The following SRL variants were observed in gnomAD, a reference collection of about 807,000 sequenced individuals.
SRL encodes sarcalumenin.
A neutral mutation model predicts 39.5 loss-of-function variants in SRL; 23 were observed. The observed-to-expected ratio is 0.58, with a 90% CI of 0.42 to 0.82. The LOEUF (loss-of-function observed/expected upper bound fraction) is 0.82, where lower values mean the gene tolerates loss of function less well. SRL is among the 40% of genes least tolerant of loss of function. The pLI is 0.00. For missense variants in SRL, 592 were observed against 607.8 expected, an observed-to-expected ratio of 0.97 and a Z score of 0.27; for synonymous variants, 272 against 237.4, an observed-to-expected ratio of 1.15 and a Z score of -1.34.
Position 4,189,912 on chromosome 16 carries a change from G to T in SRL, c.*2241C>A, listed in dbSNP as rs1441321462. 4.8e-5 allele frequency: 9 copies of T among 186,960 alleles called. No homozygotes were observed. The highest frequency in any genetic ancestry group is 9.8e-5 in the Non-Finnish European group (9 of 91,706). The allele number at this position is 186,960 out of a possible 1,614,324, so 11.6% of individuals were successfully genotyped here. ...GAGGAGCAGGCAGGGGAAAGTGGGA[G>T]GGCCCATCCCCCAAGAGGGCAGACA... On this transcript the variant is annotated 3_prime_UTR_variant, in exon 6 of 6. Transcript: ENST00000399609.
intron 2 of SRL, 147 bp downstream of exon 2, chr16:4,204,386 G>A (rs1304814661): frequency 1.0e-4 from 12 of 119,006 alleles, no homozygotes; most frequent in Middle Eastern, 3.7e-3. Context: ...CTTCCCCAAC[G>A]TCCCCTCCAG....
intron 1 of SRL, among the ~76,000 whole-genome samples, chr16:4,236,670 G>C (rs575866252): frequency 2.0e-5 from 3 of 151,740 alleles, no homozygotes; most frequent in African/African-American, 7.3e-5. Context: ...TTGAGACAGA[G>C]TCTTGCTCTG....
intron 1 of SRL, chr16:4,207,629 GC>G: frequency 4.5e-6 from 2 of 440,220 alleles, no homozygotes; most frequent in African/African-American, 2.0e-5. Context: ...GGAGTTCATG[GC>G]CCCCAGCCTG....
chr16:4,210,642 T>G (rs1210820993), intron 1 of SRL, among the ~76,000 whole-genome samples: 1 of 151,818 alleles, frequency 6.6e-6, no homozygotes, highest in Non-Finnish European at 1.5e-5. Context: ...AGGCGCATGC[T>G]AAGTTAATTT....
At chr16:4,237,338 G>T (rs999917512) in intron 1 of SRL, among the ~76,000 whole-genome samples, 2 of 152,044 alleles carry the variant, frequency 1.3e-5, no homozygotes, top group Admixed American at 1.3e-4. Flanking sequence ...ACCTGTAAGG[G>T]CCCCCTCCCC....
chr16:4,218,380 G>A (rs895963757), intron 1 of SRL, among the ~76,000 whole-genome samples: 3 of 152,184 alleles, frequency 2.0e-5, no homozygotes, highest in African/African-American at 7.2e-5. Context: ...CACGGTCGGA[G>A]GGAGGTCATT....
At chr16:4,212,004 T>A (rs1028237755) in intron 1 of SRL, among the ~76,000 whole-genome samples, 8 of 152,198 alleles carry the variant, frequency 5.3e-5, no homozygotes, top group Admixed American at 2.6e-4. Flanking sequence ...CTGGTAAAGG[T>A]GAGAGGGCCA....
At chr16:4,238,802 T>A (rs1172380379) in intron 1 of SRL, among the ~76,000 whole-genome samples, 2 of 151,860 alleles carry the variant, frequency 1.3e-5, no homozygotes, top group Admixed American at 6.6e-5. Context: ...TTTTTTTTTT[T>A]TAGAGACAGG....
At chr16:4,211,314 G>T (rs899872981) in intron 1 of SRL, among the ~76,000 whole-genome samples, 20 of 129,104 alleles carry the variant, frequency 1.5e-4, no homozygotes, top group African/African-American at 2.2e-4. Context: ...TCCCACGTTG[G>T]GGGGGGTCTC....
chr16:4,220,992 A>G (rs8058335), intron 1 of SRL, among the ~76,000 whole-genome samples: 2 of 150,906 alleles, frequency 1.3e-5, no homozygotes, highest in South Asian at 2.1e-4. Flanking sequence ...CTCAAAAAAA[A>G]CCCCACAAAT....
rs747798747 is a variant in SRL, at chr16:4,192,546, G to A, written c.1029C>T (p.His343=). 36 of 1,614,086 alleles carry A rather than the reference G, an allele frequency of 2.2e-5. No homozygotes were observed. The highest frequency in any genetic ancestry group is 1.2e-4 in the Admixed American group (7 of 60,002). Residue 343 remains histidine (H), a synonymous_variant, in exon 6 of 6, where the codon CAC becomes CAT. Coordinates refer to ENST00000399609, the MANE Select transcript of SRL (RefSeq NM_001098814.2). The surrounding 1 kb of genome is among the most constrained non-coding windows in gnomAD (Gnocchi z 4.0). ...IRQHAIRVRI[H]ALLVDRYLQT... ...GCAGGTAGCGGTCAACCAGGAGGGCGTGGATGCGGACCCGGATGGCGTGCT... is the reference window on the plus strand; with the variant it reads ...GCAGGTAGCGGTCAACCAGGAGGGCATGGATGCGGACCCGGATGGCGTGCT...
chr16:4,223,498 C>T (rs1171133065), intron 1 of SRL, among the ~76,000 whole-genome samples: 1 of 151,966 alleles, frequency 6.6e-6, no homozygotes, highest in Non-Finnish European at 1.5e-5. Flanking sequence ...CCACCTCAGC[C>T]TCCCGAGTAG....
intron 1 of SRL, among the ~76,000 whole-genome samples, chr16:4,224,497 G>C (rs905616982): frequency 6.6e-6 from 1 of 152,134 alleles, no homozygotes; most frequent in African/African-American, 2.4e-5. Flanking sequence ...CTTGAGCTCA[G>C]CAGTTCGAGA....
At chr16:4,205,945 C>CA (rs5815198) in intron 1 of SRL, among the ~76,000 whole-genome samples, 71,572 of 146,430 alleles carry the variant, frequency 0.49, 17,456 homozygotes, top group Middle Eastern at 0.66. Context: ...GACCTTGTCT[C>CA]AAAAAAAAAA....
chr16:4,231,535 C>G (rs981612179), intron 1 of SRL, among the ~76,000 whole-genome samples: 1 of 152,168 alleles, frequency 6.6e-6, no homozygotes, highest in African/African-American at 2.4e-5. Context: ...TCGAGCCCCC[C>G]TTCCAGGAAG....
chr16:4,237,435 C>A (rs2052724997), intron 1 of SRL, among the ~76,000 whole-genome samples: 1 of 152,146 alleles, frequency 6.6e-6, no homozygotes, highest in Admixed American at 6.5e-5. Context: ...CAACCCCTCG[C>A]CCAGGTCCAC....
At chr16:4,195,957 A>G (rs1481167673) in intron 4 of SRL, among the ~76,000 whole-genome samples, 171 bp from the exon 5 acceptor site, 3 of 151,980 alleles carry the variant, frequency 2.0e-5, no homozygotes, top group Non-Finnish European at 2.9e-5. Flanking sequence ...CATAACATAA[A>G]ATTTACCTTT....
intron 1 of SRL, among the ~76,000 whole-genome samples, chr16:4,214,916 T>G (rs999534591): frequency 3.3e-5 from 5 of 151,944 alleles, no homozygotes; most frequent in Admixed American, 3.3e-4. Flanking sequence ...TACAGGTGCC[T>G]GCCACCACTC....
chr16:4,216,530 C>T (rs184554630), intron 1 of SRL, among the ~76,000 whole-genome samples: 43 of 152,308 alleles, frequency 2.8e-4, no homozygotes, highest in African/African-American at 9.6e-4. Flanking sequence ...CCTCAAGTTC[C>T]CAAAGTGCTG....
Sources: gnomAD v4.1 joint callset for allele counts (sites outside exome capture counted in the v4.1 genomes callset) on GRCh38, gnomAD v4.1.1 for gene constraint, Gnocchi (gnomAD v3.1) non-coding constraint, MANE v1.5 for transcripts, NCBI Gene and HGNC (gene_info 2026-07-23, HGNC 2026-07-21) for gene names.